Variants in TPX2 observed in about 807,000 individuals in gnomAD.
TPX2 encodes TPX2 microtubule nucleation factor.
A neutral mutation model predicts 93.6 loss-of-function variants in TPX2; 21 were observed. The observed-to-expected ratio is 0.22, with a 90% CI of 0.16 to 0.32. TPX2 has a LOEUF of 0.32. TPX2 is among the 10% of genes least tolerant of loss of function. The pLI is 1.00. For missense variants in TPX2, 776 were observed against 871.1 expected, an observed-to-expected ratio of 0.89 and a Z score of 1.37; for synonymous variants, 281 against 298.3, an observed-to-expected ratio of 0.94 and a Z score of 0.60.
intron 17 of TPX2, among the ~76,000 whole-genome samples, chr20:31,799,897 CAA>C (rs533016889): frequency 0.38 from 24,043 of 62,872 alleles, 2,481 homozygotes; most frequent in African/African-American, 0.53. Context: ...GAGACTGTCT[CAA>C]AAAAAAAAAA....
chr20:31,782,469 T>TCTGTTCTGTTAGG, intron 11 of TPX2, 79 bp downstream of exon 11: 1 of 1,514,132 alleles, frequency 6.6e-7, no homozygotes, highest in Non-Finnish European at 8.8e-7. Flanking sequence ...GGGTGACAGT[T>TCTGTTCTGTTAGG]GCTATTTTTC....
intron 14 of TPX2, 47 bp downstream of exon 14, chr20:31,794,071 C>T (rs895696687): frequency 6.6e-7 from 1 of 1,514,674 alleles, no homozygotes; most frequent in Non-Finnish European, 8.9e-7. Flanking sequence ...TTCTTTGATC[C>T]CTCAAAGACA....
At chr20:31,773,778 A>G (rs1313489527) in intron 7 of TPX2, among the ~76,000 whole-genome samples, 1 of 152,192 alleles carries the variant, frequency 6.6e-6, no homozygotes, top group Non-Finnish European at 1.5e-5. Context: ...TGATGTTATG[A>G]TTCATGACTA....
chr20:31,750,460 T>TGC (rs1436420389), intron 2 of TPX2, among the ~76,000 whole-genome samples: 63 of 75,312 alleles, frequency 8.4e-4, no homozygotes, highest in Non-Finnish European at 1.2e-3. Context: ...GGCTATTTAT[T>TGC]TATTTATTTA....
rs1468887244 is a variant in TPX2, at chr20:31,793,893, T to C, written c.1555T>C (p.Tyr519His). 2 of 1,613,316 alleles carry C rather than the reference T, an allele frequency of 1.2e-6. No homozygotes were observed. Among genetic ancestry groups the C allele is most frequent in the Non-Finnish European group, 1.7e-6 (2 of 1,179,676 alleles). The part of the protein sequence containing the change: ...VVIKAQPVPH[Y>H]GVPFKPQIPE... ...GATAAAAGCTCAACCTGTGCCACATTATGGGGTGCCTTTTAAGCCCCAAAT... is the reference window on the plus strand; with the variant it reads ...GATAAAAGCTCAACCTGTGCCACATCATGGGGTGCCTTTTAAGCCCCAAAT... The change falls in exon 14 of 18, where the codon TAT becomes CAT. Residue 519 changes from tyrosine (Y) to histidine (H), a missense_variant. Around this residue, in one of 3 missense-constraint regions of TPX2, gnomAD observed 461 missense variants for 551.2 expected, o/e 0.84. Transcript: ENST00000300403.
At chr20:31,786,421 A>C (rs2062067460) in intron 12 of TPX2, among the ~76,000 whole-genome samples, 1 of 72,228 alleles carries the variant, frequency 1.4e-5, no homozygotes, top group African/African-American at 1.2e-4. Flanking sequence ...TTTTTGAGAC[A>C]ATCTCACTCT....
intron 5 of TPX2, 24 bp from the exon 6 acceptor site, chr20:31,770,319 A>G: frequency 6.7e-7 from 1 of 1,483,044 alleles, no homozygotes; most frequent in Non-Finnish European, 9.0e-7. Context: ...TTTATTATAT[A>G]TTTTGTCAAT....
intron 4 of TPX2, among the ~76,000 whole-genome samples, chr20:31,762,194 G>A (rs2122995870): frequency 6.6e-6 from 1 of 152,228 alleles, no homozygotes; most frequent in Non-Finnish European, 1.5e-5. Context: ...TCTTCACTCT[G>A]TTGATTGTTT....
At chr20:31,745,488 T>C (rs2061778671) in intron 2 of TPX2, among the ~76,000 whole-genome samples, 1 of 152,112 alleles carries the variant, frequency 6.6e-6, no homozygotes, top group Non-Finnish European at 1.5e-5. Context: ...CCACCACACC[T>C]GGCTAATTTT....
At chr20:31,751,246 A>T (rs1194192205) in intron 2 of TPX2, among the ~76,000 whole-genome samples, 1 of 152,124 alleles carries the variant, frequency 6.6e-6, no homozygotes, top group Admixed American at 6.6e-5. Flanking sequence ...TGGTGGAATC[A>T]TGGTTTTGAG....
At position 31,798,296 on chromosome 20, in the gene TPX2, C is replaced by T. The variant is rs894695854; in HGVS notation, c.1946-69C>T. Reference sequence around the variant, plus strand: ...AGTGTGCATGTCTGTGCCACTTGCTCATTCCAGGGGGCGTAGGTTTATGCA... The same window carrying T: ...AGTGTGCATGTCTGTGCCACTTGCTTATTCCAGGGGGCGTAGGTTTATGCA... On this transcript the variant is annotated intron_variant, in intron 16 of 17. Transcript: ENST00000300403. 3.9e-5 allele frequency: 62 copies of T among 1,591,750 alleles called. No homozygotes were observed. The African/African-American group carries it at 7.0e-4, about 18-fold the overall frequency.
chr20:31,782,268 T>A lies in TPX2; in HGVS notation c.1074T>A (p.Ser358=). The A allele has an allele frequency of 6.2e-7, 1 of 1,612,592 alleles. No homozygotes were observed. The highest frequency in any genetic ancestry group is 8.5e-7 in the Non-Finnish European group (1 of 1,179,408). The change falls in exon 11 of 18, where the codon TCT becomes TCA. Residue 358 remains serine (S), a synonymous_variant. Transcript: ENST00000300403. The stretch of plus-strand genomic sequence containing the variant: ...TTACAGACCTGTTACCCTCCAAATC[T>A]TCTGTGACCAAGATTTGCAGAGACC... ...KDDINLLPSK[S]SVTKICRDPQ... is the part of the protein sequence containing the mutation.
intron 10 of TPX2, among the ~76,000 whole-genome samples, chr20:31,779,357 G>A (rs1424563299): frequency 6.6e-6 from 1 of 152,104 alleles, no homozygotes; most frequent in African/African-American, 2.4e-5. Flanking sequence ...TTATTCAGTG[G>A]TCCACCAAAA....
intron 7 of TPX2, among the ~76,000 whole-genome samples, chr20:31,773,215 G>A (rs368385830): frequency 5.3e-4 from 78 of 145,876 alleles, no homozygotes; most frequent in African/African-American, 1.7e-3. Flanking sequence ...GCAGTGGCAC[G>A]ATTTCGGCTC....
chr20:31,789,829 G>A (rs2062089267), intron 12 of TPX2, among the ~76,000 whole-genome samples: 1 of 152,166 alleles, frequency 6.6e-6, no homozygotes, highest in South Asian at 2.1e-4. Flanking sequence ...CTACTTATTA[G>A]AGGTTTCCCT....
rs777265621 is a variant in TPX2, at chr20:31,798,537, G to A, written c.2118G>A (p.Arg706=). 5 of 1,607,888 alleles carry A rather than the reference G, an allele frequency of 3.1e-6. No individual in the cohort carries two copies. In the Admixed American group the frequency reaches 8.5e-5, roughly 27 times the overall value. Residue 706 remains arginine (R), a synonymous_variant, in exon 17 of 18, where the codon AGG becomes AGA. Coordinates refer to ENST00000300403, the MANE Select transcript of TPX2 (RefSeq NM_012112.5). ...AGCAGAAAAAAGAGGAGCTGGCCAG[G>A]CTACGGAGAGAACTGGTAACTGGGA... ...EEEQKKEELA[R]LRRELVHKAN...
intron 10 of TPX2, 144 bp downstream of exon 10, chr20:31,779,128 C>G (rs1915350930): frequency 1.1e-6 from 1 of 932,560 alleles, no homozygotes; most frequent in Admixed American, 3.5e-5. Context: ...ACAAATGTAT[C>G]CTTCAGAATT....
At chr20:31,796,827 TA>T (rs1374352794) in intron 15 of TPX2, among the ~76,000 whole-genome samples, 1 of 152,104 alleles carries the variant, frequency 6.6e-6, no homozygotes. Flanking sequence ...AGATAGGTCT[TA>T]AAAGTACCTT....
chr20:31,761,821 G>A (rs1397814472), intron 4 of TPX2, among the ~76,000 whole-genome samples: 1 of 152,000 alleles, frequency 6.6e-6, no homozygotes, highest in African/African-American at 2.4e-5. Flanking sequence ...ATTTTTTGAG[G>A]AGCCTCCATA....
Sources: allele counts gnomAD v4.1 joint callset (sites outside exome capture counted in the v4.1 genomes callset), GRCh38; gene constraint gnomAD v4.1.1; regional missense constraint gnomAD v4.1.1; transcripts MANE v1.5; gene names NCBI Gene and HGNC (gene_info 2026-07-23, HGNC 2026-07-21).